The following FHIT variants were observed in gnomAD, a reference collection of about 807,000 sequenced individuals.
FHIT encodes fragile histidine triad diadenosine triphosphatase.
A neutral mutation model predicts 17.9 loss-of-function variants in FHIT; 19 were observed. The ratio of observed to expected loss-of-function variants is 1.06; its 90% confidence interval spans 0.74 to 1.56. The LOEUF (loss-of-function observed/expected upper bound fraction) is 1.56, where lower values mean the gene tolerates loss of function less well. Ranked by LOEUF, FHIT falls within the 40% of genes most tolerant of loss-of-function variation. The pLI, the probability that FHIT is intolerant of heterozygous loss-of-function variation, is 0.00. For synonymous variants in FHIT, 81 were observed against 69.7 expected (o/e 1.16, Z -0.81); for missense variants, 248 against 189.2 (o/e 1.31, Z -1.82).
chr3:59,928,015 G>A (rs1303084257), intron 7 of FHIT, among the ~76,000 whole-genome samples: 1 of 152,182 alleles, frequency 6.6e-6, no homozygotes, highest in Non-Finnish European at 1.5e-5. Flanking sequence ...TCAATTCTAA[G>A]GGATAGAAAC....
intron 5 of FHIT, among the ~76,000 whole-genome samples, chr3:60,176,828 G>C (rs1478325240): frequency 1.3e-5 from 2 of 152,118 alleles, no homozygotes; most frequent in African/African-American, 4.8e-5. Context: ...TCTAGCCTTT[G>C]GCTATCGAGC....
chr3:61,101,770 A>C (rs1056567179), intron 2 of FHIT, among the ~76,000 whole-genome samples: 1 of 152,132 alleles, frequency 6.6e-6, no homozygotes, highest in African/African-American at 2.4e-5. Context: ...GGTAATTCAC[A>C]TCCCTTGTAA....
intron 5 of FHIT, among the ~76,000 whole-genome samples, chr3:60,486,952 T>C (rs1186452164): frequency 2.6e-5 from 4 of 152,158 alleles, no homozygotes; most frequent in South Asian, 2.1e-4. Context: ...AGTGACTGTT[T>C]AGACACTGTC....
At chr3:60,812,181 T>TAAAAAAAA (rs1553736271) in intron 4 of FHIT, among the ~76,000 whole-genome samples, 1 of 151,738 alleles carries the variant, frequency 6.6e-6, no homozygotes, top group African/African-American at 2.4e-5. Flanking sequence ...GACTCTTTTT[T>TAAAAAAAA]TTTTTTTTTT....
chr3:60,865,733 A>AT (rs1704130014), intron 3 of FHIT, among the ~76,000 whole-genome samples: 1 of 152,038 alleles, frequency 6.6e-6, no homozygotes, highest in Non-Finnish European at 1.5e-5. Flanking sequence ...GCTTATTCTC[A>AT]TTTTTCCCTA....
intron 4 of FHIT, among the ~76,000 whole-genome samples, chr3:60,813,718 A>G (rs1701643681): frequency 1.3e-5 from 2 of 152,212 alleles, no homozygotes; most frequent in East Asian, 3.8e-4. Flanking sequence ...TGATTGAGAC[A>G]GTCGTCAAAA....
intron 4 of FHIT, among the ~76,000 whole-genome samples, chr3:60,625,275 T>C (rs2039253964): frequency 6.6e-6 from 1 of 152,216 alleles, no homozygotes; most frequent in African/African-American, 2.4e-5. Flanking sequence ...TGAGTGGACA[T>C]ATGTTTTCAT....
intron 5 of FHIT, among the ~76,000 whole-genome samples, chr3:60,400,098 T>C (rs1701603561): frequency 6.6e-6 from 1 of 152,108 alleles, no homozygotes; most frequent in African/African-American, 2.4e-5. Context: ...AAGTGCTCTT[T>C]TAGGTAGGAT....
At chr3:60,044,619 G>A (rs1371333391) in intron 5 of FHIT, among the ~76,000 whole-genome samples, 1 of 152,108 alleles carries the variant, frequency 6.6e-6, no homozygotes, top group Non-Finnish European at 1.5e-5. Context: ...TGATCTACCA[G>A]ACAAAACTCA....
chr3:60,185,718 C>T (rs1304893164), intron 5 of FHIT, among the ~76,000 whole-genome samples: 1 of 152,138 alleles, frequency 6.6e-6, no homozygotes, highest in East Asian at 1.9e-4. Context: ...AGCGCCTGTG[C>T]TATTTTACAT....
At chr3:61,226,800 T>TA (rs1296085607) in intron 1 of FHIT, among the ~76,000 whole-genome samples, 1 of 152,208 alleles carries the variant, frequency 6.6e-6, no homozygotes, top group Non-Finnish European at 1.5e-5. Flanking sequence ...CATATACCCT[T>TA]ACATGACTTT....
intron 8 of FHIT, among the ~76,000 whole-genome samples, chr3:59,889,606 G>A (rs1033930239): frequency 1.3e-5 from 2 of 152,188 alleles, no homozygotes; most frequent in Non-Finnish European, 2.9e-5. Flanking sequence ...GATCCTGAAA[G>A]CTCAAGTAGG....
intron 1 of FHIT, among the ~76,000 whole-genome samples, chr3:61,221,040 A>C (rs979939920): frequency 6.6e-6 from 1 of 152,248 alleles, no homozygotes; most frequent in African/African-American, 2.4e-5. Context: ...CCAATCAGCC[A>C]ATAATTAGCA....
chr3:59,965,290 G>A (rs905386415), intron 7 of FHIT, among the ~76,000 whole-genome samples: 12 of 152,084 alleles, frequency 7.9e-5, no homozygotes, highest in Non-Finnish European at 1.0e-4. Context: ...GGGAAATACA[G>A]ACTCCACTCA....
At chr3:61,017,643 A>G (rs1257848743) in intron 3 of FHIT, among the ~76,000 whole-genome samples, 2 of 152,204 alleles carry the variant, frequency 1.3e-5, no homozygotes, top group Non-Finnish European at 2.9e-5. Flanking sequence ...CAATGTTGCC[A>G]CTTGGGTGTC....
chr3:61,069,793 C>G (rs765173406), intron 2 of FHIT, among the ~76,000 whole-genome samples: 1 of 152,170 alleles, frequency 6.6e-6, no homozygotes, highest in Non-Finnish European at 1.5e-5. Context: ...GAATTATGAA[C>G]AAAGTCCTCT....
chr3:60,013,914 A>G, intron 6 of FHIT, 93 bp downstream of exon 6: 3 of 1,302,144 alleles, frequency 2.3e-6, no homozygotes, highest in Non-Finnish European at 3.3e-6. Flanking sequence ...AAACAATCAC[A>G]TCTGCCCTCC....
chr3:59,984,278 G>A (rs1338995959), intron 7 of FHIT, among the ~76,000 whole-genome samples: 2 of 151,990 alleles, frequency 1.3e-5, no homozygotes, highest in African/African-American at 4.8e-5. Context: ...TTGAGAGATG[G>A]GCCCAGGAAG....
At chr3:61,006,039 C>T (rs1262078957) in intron 3 of FHIT, among the ~76,000 whole-genome samples, 1 of 151,400 alleles carries the variant, frequency 6.6e-6, no homozygotes, top group African/African-American at 2.4e-5. Context: ...AAGTAGGGAG[C>T]AGGAAGAGCA....
Sources: gnomAD v4.1 joint callset for allele counts (sites outside exome capture counted in the v4.1 genomes callset) on GRCh38, gnomAD v4.1.1 for gene constraint, MANE v1.5 for transcripts, NCBI Gene and HGNC (gene_info 2026-07-23, HGNC 2026-07-21) for gene names.